Variants in CTNND2 observed in about 807,000 individuals in gnomAD.
CTNND2 encodes catenin delta 2.
Under a neutral mutation model 144.4 loss-of-function variants are expected in CTNND2, and 22 were observed. The ratio of observed to expected loss-of-function variants is 0.15; its 90% CI spans 0.11 to 0.22. The LOEUF is 0.22. Among genes scored for constraint, CTNND2 ranks in the 10% least tolerant of loss-of-function variants. CTNND2 has a pLI of 1.00. For synonymous variants in CTNND2, 751 were observed against 695.6 expected (o/e 1.08, Z -1.25); for missense variants, 1,353 against 1,618.8 (o/e 0.84, Z 2.82).
chr5:11,454,130 A>G (rs2149918634), intron 3 of CTNND2, among the ~76,000 whole-genome samples: 1 of 152,338 alleles, frequency 6.6e-6, no homozygotes, highest in Admixed American at 6.5e-5. Flanking sequence ...CTACTTATAA[A>G]AACATAATAG....
chr5:11,232,127 C>A (rs1561060642), intron 10 of CTNND2, among the ~76,000 whole-genome samples: 1 of 152,238 alleles, frequency 6.6e-6, no homozygotes, highest in Non-Finnish European at 1.5e-5. Flanking sequence ...CCCTGAATGT[C>A]CAGGCAGAGG....
intron 2 of CTNND2, among the ~76,000 whole-genome samples, chr5:11,653,077 G>A (rs1038973757): frequency 6.4e-5 from 2 of 31,424 alleles, no homozygotes; most frequent in African/African-American, 1.8e-4. Flanking sequence ...ATTCGTGTGT[G>A]TGTGTGTGTG....
At chr5:10,993,427 T>C (rs1242386392) in intron 18 of CTNND2, among the ~76,000 whole-genome samples, 1 of 152,208 alleles carries the variant, frequency 6.6e-6, no homozygotes, top group African/African-American at 2.4e-5. Flanking sequence ...GAACTCCTGT[T>C]AACCTGTCAT....
chr5:11,288,420 T>C (rs1435121803), intron 9 of CTNND2, among the ~76,000 whole-genome samples: 1 of 152,140 alleles, frequency 6.6e-6, no homozygotes, highest in Non-Finnish European at 1.5e-5. Context: ...TCTAATTGAA[T>C]TACTTGTAAT....
At chr5:11,150,856 C>T (rs1757699968) in intron 12 of CTNND2, among the ~76,000 whole-genome samples, 1 of 152,068 alleles carries the variant, frequency 6.6e-6, no homozygotes, top group Admixed American at 6.5e-5. Context: ...GAACTCCTGA[C>T]CTCAGGTGAT....
intron 14 of CTNND2, 136 bp from the exon 15 acceptor site, chr5:11,098,884 T>TG: frequency 2.7e-6 from 2 of 727,284 alleles, no homozygotes; most frequent in Non-Finnish European, 2.2e-6. Context: ...ACGGAGGCTA[T>TG]TGCATCAGCA....
rs570727909 is a variant in CTNND2 at position 11,721,999 on chromosome 5, G to A, written c.174+10137C>T. On this transcript the variant is annotated intron_variant, in intron 2 of 21. Coordinates refer to ENST00000304623, the MANE Select transcript of CTNND2 (RefSeq NM_001332.4). Reference sequence around the variant, plus strand: ...GAAACAAGACAACTTACCATAGTGAGTTTTAGGCTAAGTTTATTGTCACAA... The same window carrying A: ...GAAACAAGACAACTTACCATAGTGAATTTTAGGCTAAGTTTATTGTCACAA... Among the ~76,000 whole-genome samples, 2 of 152,302 alleles carry A rather than the reference G, an allele frequency of 1.3e-5. 1 individual carries two copies. Among genetic ancestry groups the A allele is most frequent in the African/African-American group, 4.8e-5 (2 of 41,574 alleles).
intron 2 of CTNND2, among the ~76,000 whole-genome samples, chr5:11,602,949 C>A (rs935827294): frequency 6.6e-6 from 1 of 151,506 alleles, no homozygotes; most frequent in Non-Finnish European, 1.5e-5. Flanking sequence ...AAAAATCCAG[C>A]ACATTACAAC....
At chr5:11,354,140 G>A (rs141685319) in intron 8 of CTNND2, among the ~76,000 whole-genome samples, 1 of 152,142 alleles carries the variant, frequency 6.6e-6, no homozygotes, top group Non-Finnish European at 1.5e-5. Flanking sequence ...TTATTCATGT[G>A]GTTTCACACG....
rs944356115 is a variant in CTNND2 at position 11,549,651 on chromosome 5, C to A, written c.287+15293G>T. On this transcript the variant is annotated intron_variant, in intron 3 of 21. Transcript: ENST00000304623. ...CTTTGGTAAAATTCTTTTCTAGTACCAGGTTACCAGGGAATTAAATGAAGC... is the reference window on the plus strand; with the variant it reads ...CTTTGGTAAAATTCTTTTCTAGTACAAGGTTACCAGGGAATTAAATGAAGC... Among the ~76,000 whole-genome samples, 3 of 152,022 alleles carry A rather than the reference C, an allele frequency of 2.0e-5. No homozygotes were observed. In the East Asian group the frequency reaches 5.8e-4, roughly 29 times the overall value.
chr5:11,197,856 A>T (rs1278293500), intron 11 of CTNND2, among the ~76,000 whole-genome samples: 4 of 152,242 alleles, frequency 2.6e-5, no homozygotes, highest in Non-Finnish European at 2.9e-5. Flanking sequence ...GGGAAGCCAC[A>T]ACAGAGGGGT....
chr5:11,039,717 A>G (rs1317209937), intron 16 of CTNND2, among the ~76,000 whole-genome samples: 1 of 152,200 alleles, frequency 6.6e-6, no homozygotes, highest in Admixed American at 6.6e-5. Context: ...GACAAATTCT[A>G]GAAGGTACAC....
chr5:11,108,648 T>G (rs184024494), intron 14 of CTNND2, among the ~76,000 whole-genome samples: 1 of 152,310 alleles, frequency 6.6e-6, no homozygotes, highest in East Asian at 1.9e-4. Flanking sequence ...TAACTTTAAA[T>G]TGATTTATAA....
chr5:11,162,659 T>C (rs1234650820), intron 11 of CTNND2, among the ~76,000 whole-genome samples: 1 of 151,930 alleles, frequency 6.6e-6, no homozygotes, highest in Admixed American at 6.5e-5. Flanking sequence ...CACCTCTTGA[T>C]GAAGTCTTGG....
chr5:11,166,634 A>G (rs1236555257), intron 11 of CTNND2, among the ~76,000 whole-genome samples: 1 of 152,106 alleles, frequency 6.6e-6, no homozygotes, highest in Non-Finnish European at 1.5e-5. Flanking sequence ...GGCTGTCACC[A>G]CTACCTCCTC....
In CTNND2 at chr5:11,357,943, T is replaced by C. The variant is rs1487252809; in HGVS notation, c.1372+6753A>G. On this transcript the variant is annotated intron_variant, in intron 8 of 21. Coordinates refer to ENST00000304623, the MANE Select transcript of CTNND2 (RefSeq NM_001332.4). Reference sequence around the variant, plus strand: ...GGCAGAATCTGCTAATGTGTAATTATGGTTCCATAGTGCTGTATCTTCGGG... The same window carrying C: ...GGCAGAATCTGCTAATGTGTAATTACGGTTCCATAGTGCTGTATCTTCGGG... Among the ~76,000 whole-genome samples, 2 of 152,176 alleles carry C rather than the reference T, an allele frequency of 1.3e-5. 1 individual carries two copies. Among genetic ancestry groups the C allele is most frequent in the African/African-American group, 4.8e-5 (2 of 41,452 alleles).
intron 15 of CTNND2, among the ~76,000 whole-genome samples, chr5:11,096,051 T>C (rs1751317563): frequency 6.6e-6 from 1 of 152,148 alleles, no homozygotes; most frequent in Non-Finnish European, 1.5e-5. Context: ...TCTTTTTTCT[T>C]TGTGTTTCAT....
chr5:11,744,363 C>G, intron 1 of CTNND2, among the ~76,000 whole-genome samples: 1 of 152,158 alleles, frequency 6.6e-6, no homozygotes. Context: ...TGCGCGACGG[C>G]CAAGCAACAG....
intron 15 of CTNND2, chr5:11,083,858 G>A: frequency 1.8e-6 from 2 of 1,098,548 alleles, no homozygotes; most frequent in Non-Finnish European, 2.2e-6. Context: ...CATGGGGGCA[G>A]GCACCCCAGA....
Sources: gnomAD v4.1 joint callset for allele counts (sites outside exome capture counted in the v4.1 genomes callset) on GRCh38, gnomAD v4.1.1 for gene constraint, MANE v1.5 for transcripts, NCBI Gene and HGNC (gene_info 2026-07-23, HGNC 2026-07-21) for gene names.